The following RARB variants were observed in gnomAD, a reference collection of about 807,000 sequenced individuals.
RARB encodes HBV-activated protein.
In RARB, 17 loss-of-function variants were observed where a neutral mutation model predicts 51.9. That is an observed-to-expected ratio of 0.33 (90% CI 0.22 to 0.49). RARB has a LOEUF of 0.49. RARB is among the 20% of genes least tolerant of loss of function. RARB has a pLI of 0.99. For missense variants in RARB, 369 were observed against 550.8 expected (o/e 0.67, Z 3.30); for synonymous variants, 215 against 195.4 (o/e 1.10, Z -0.84).
intron 5 of RARB, among the ~76,000 whole-genome samples, chr3:25,213,150 C>T (rs1575225171): frequency 6.6e-6 from 1 of 152,076 alleles, no homozygotes; most frequent in Admixed American, 6.6e-5. Context: ...AAAGAATTCA[C>T]TGGTGTACAT....
chr3:24,899,148 T>C (rs1703542897), intron 2 of RARB, among the ~76,000 whole-genome samples: 1 of 152,132 alleles, frequency 6.6e-6, no homozygotes, highest in Non-Finnish European at 1.5e-5. Context: ...ACAATGAAAA[T>C]GTATAGGTCT....
At chr3:25,516,116 C>T (rs570572584) in intron 3 of RARB, among the ~76,000 whole-genome samples, 13 of 152,206 alleles carry the variant, frequency 8.5e-5, no homozygotes, top group African/African-American at 2.9e-4. Flanking sequence ...CCATGATCTA[C>T]TCCTAGTTCC....
chr3:25,012,158 C>T (rs1178674681), intron 2 of RARB, among the ~76,000 whole-genome samples: 1 of 151,910 alleles, frequency 6.6e-6, no homozygotes, highest in East Asian at 1.9e-4. Context: ...TTACATTGAC[C>T]CCACTAAACA....
intron 2 of RARB, among the ~76,000 whole-genome samples, chr3:24,984,653 G>A (rs1696748569): frequency 6.6e-6 from 1 of 152,124 alleles, no homozygotes. Context: ...TATGTATTTT[G>A]AATAAATCTA....
At chr3:25,201,394 T>C (rs1474097266) in intron 5 of RARB, among the ~76,000 whole-genome samples, 3 of 152,090 alleles carry the variant, frequency 2.0e-5, no homozygotes, top group Admixed American at 6.6e-5. Context: ...AATTTGACTT[T>C]CCCTTTTCCT....
Position 25,414,799 on chromosome 3 carries a change from G to A in RARB, c.179-46394G>A, listed in dbSNP as rs967888458. On this transcript the variant is annotated intron_variant, in intron 5 of 11. Coordinates refer to the RARB transcript ENST00000383772. ...GCTTGCTTTGTTACTTTTGAATTTT[G>A]GAATTTTTAAAATTCTAGTTACAAA... Among the ~76,000 whole-genome samples, 11 of 152,132 alleles carry A rather than the reference G, an allele frequency of 7.2e-5. 1 individual carries two copies. The South Asian group carries it at 2.3e-3, about 32-fold the overall frequency.
Position 25,345,931 on chromosome 3 carries a change from A to G in RARB, c.179-115262A>G, listed in dbSNP as rs144886173. 8.1e-3 allele frequency: 7,046 copies of G among 869,366 alleles called. 34 individuals carry two copies. The highest frequency in any genetic ancestry group is 9.1e-3 in the Non-Finnish European group (6,597 of 724,028). 53.9% of individuals were successfully genotyped at this position (869,366 alleles called of 1,614,324 possible). A position where few individuals can be genotyped will look rare whatever the true frequency, so the allele number is the denominator to read the frequency against. On this transcript the variant is annotated intron_variant, in intron 5 of 11. Transcript: ENST00000383772. ...TAAAAAAAGAGAGAAAAATGTTTAA[A>G]CCACCATTTAGTTTAGTTCATGATT... is the stretch of plus-strand genomic sequence containing the variant.
intron 2 of RARB, among the ~76,000 whole-genome samples, chr3:24,948,280 T>C (rs1278722169): frequency 6.6e-6 from 1 of 151,928 alleles, no homozygotes; most frequent in East Asian, 1.9e-4. Flanking sequence ...CAGAGGGGAG[T>C]CAGATGGAGA....
At chr3:24,861,292 T>C (rs907949610) in intron 2 of RARB, among the ~76,000 whole-genome samples, 7 of 152,182 alleles carry the variant, frequency 4.6e-5, no homozygotes, top group African/African-American at 1.4e-4. Context: ...GCAAATACTA[T>C]GTCATTTTAT....
chr3:25,245,830 T>G (rs1043906888), intron 5 of RARB, among the ~76,000 whole-genome samples: 1 of 152,112 alleles, frequency 6.6e-6, no homozygotes, highest in African/African-American at 2.4e-5. Context: ...ATCTTTATGG[T>G]GTTCTCTGTA....
chr3:25,165,990 T>A (rs1054793776), intron 4 of RARB, among the ~76,000 whole-genome samples: 1 of 152,104 alleles, frequency 6.6e-6, no homozygotes, highest in Admixed American at 6.5e-5. Flanking sequence ...TCTAAGCTTC[T>A]TAAAAAAAAT....
At chr3:25,384,459 T>G (rs1233285946) in intron 5 of RARB, among the ~76,000 whole-genome samples, 1 of 152,218 alleles carries the variant, frequency 6.6e-6, no homozygotes, top group Non-Finnish European at 1.5e-5. Context: ...TAAACTGGAC[T>G]CTCAACTCCT....
At chr3:25,035,044 T>C (rs559144630) in intron 2 of RARB, among the ~76,000 whole-genome samples, 1 of 152,244 alleles carries the variant, frequency 6.6e-6, no homozygotes, top group Non-Finnish European at 1.5e-5. Flanking sequence ...TAAAGAAATA[T>C]TAATAGGTTA....
At chr3:25,551,701 A>G (rs1227623795) in intron 3 of RARB, among the ~76,000 whole-genome samples, 1 of 152,182 alleles carries the variant, frequency 6.6e-6, no homozygotes, top group African/African-American at 2.4e-5. Context: ...GGGCTTGGGC[A>G]TGGATCTCAT....
At chr3:25,104,454 C>A (rs1312634557) in intron 3 of RARB, among the ~76,000 whole-genome samples, 2 of 152,064 alleles carry the variant, frequency 1.3e-5, no homozygotes, top group Non-Finnish European at 2.9e-5. Flanking sequence ...CAAGCCTGGG[C>A]AACATGGGGG....
chr3:25,139,915 A>G (rs985658091), intron 4 of RARB, among the ~76,000 whole-genome samples: 1 of 152,192 alleles, frequency 6.6e-6, no homozygotes, highest in East Asian at 1.9e-4. Context: ...CCTGTGCTCT[A>G]TAAGTGGAAC....
intron 2 of RARB, among the ~76,000 whole-genome samples, chr3:24,893,193 C>G (rs957973034): frequency 1.4e-4 from 21 of 152,168 alleles, no homozygotes. Flanking sequence ...TGCACCTAAA[C>G]CATGTTGGGA....
At chr3:25,364,857 C>T (rs1343529637) in intron 5 of RARB, among the ~76,000 whole-genome samples, 2 of 152,100 alleles carry the variant, frequency 1.3e-5, no homozygotes, top group African/African-American at 4.8e-5. Flanking sequence ...TACAAGCTGC[C>T]TCTTATTATG....
intron 3 of RARB, among the ~76,000 whole-genome samples, chr3:25,552,325 C>A (rs1216940965): frequency 3.9e-5 from 6 of 152,126 alleles, no homozygotes; most frequent in Non-Finnish European, 8.8e-5. Context: ...GTGTTCCTTT[C>A]CAGCTTAAGA....
Sources: gnomAD v4.1 joint callset for allele counts (sites outside exome capture counted in the v4.1 genomes callset) on GRCh38, gnomAD v4.1.1 for gene constraint, MANE v1.5 for transcripts, NCBI Gene and HGNC (gene_info 2026-07-23, HGNC 2026-07-21) for gene names.